Variants in CPD observed in about 807,000 individuals in gnomAD.
CPD encodes carboxypeptidase D.
A neutral mutation model predicts 138.3 loss-of-function variants in CPD; 69 were observed. The observed-to-expected ratio is 0.50, with a 90% confidence interval of 0.41 to 0.61. The LOEUF is 0.61. CPD is among the 20% of genes least tolerant of loss of function. The probability of loss-of-function intolerance (pLI) is 0.00; values close to 1 mark genes in which losing one functional copy is unlikely to be tolerated. For missense variants in CPD, 1,432 were observed against 1,733.3 expected (o/e 0.83, Z 3.09); for synonymous variants, 651 against 642.1 (o/e 1.01, Z -0.21).
chr17:30,426,205 A>C (rs1289449481), intron 6 of CPD, among the ~76,000 whole-genome samples: 1 of 151,888 alleles, frequency 6.6e-6, no homozygotes. Flanking sequence ...GTCTCAAAAA[A>C]AAAAAAAAAA....
intron 2 of CPD, among the ~76,000 whole-genome samples, chr17:30,398,867 T>A (rs757950991): frequency 6.7e-5 from 10 of 150,286 alleles, no homozygotes; most frequent in Non-Finnish European, 1.3e-4. Flanking sequence ...TTTAAATAAT[T>A]AAAAAAAAAT....
At chr17:30,428,727 A>G (rs968604277) in intron 7 of CPD, among the ~76,000 whole-genome samples, 1 of 152,150 alleles carries the variant, frequency 6.6e-6, no homozygotes, top group Admixed American at 6.5e-5. Flanking sequence ...GTAAGAGGTG[A>G]TAGGGGAGTG....
intron 8 of CPD, among the ~76,000 whole-genome samples, chr17:30,434,035 T>C (rs571563317): frequency 6.6e-6 from 1 of 152,306 alleles, no homozygotes; most frequent in South Asian, 2.1e-4. Flanking sequence ...TCTAAAAATA[T>C]TGTCTTCTGC....
chr17:30,393,686 G>C (rs1911417841), intron 2 of CPD, among the ~76,000 whole-genome samples: 1 of 152,158 alleles, frequency 6.6e-6, no homozygotes, highest in African/African-American at 2.4e-5. Context: ...ACAGAATACT[G>C]TCCTTATATC....
chr17:30,460,525 A>G (rs867434813), intron 17 of CPD, among the ~76,000 whole-genome samples: 1 of 152,218 alleles, frequency 6.6e-6, no homozygotes, highest in Non-Finnish European at 1.5e-5. Context: ...TAGATATTCT[A>G]TAGAGGTAGA....
chr17:30,447,319 T>C (rs569979615), intron 12 of CPD, among the ~76,000 whole-genome samples: 5 of 152,336 alleles, frequency 3.3e-5, no homozygotes, highest in East Asian at 1.9e-4. Flanking sequence ...GTCTAACATG[T>C]AAGTCTTTAA....
At chr17:30,399,267 C>T (rs1020384842) in intron 2 of CPD, among the ~76,000 whole-genome samples, 1 of 152,002 alleles carries the variant, frequency 6.6e-6, no homozygotes, top group Non-Finnish European at 1.5e-5. Flanking sequence ...TCCATTTGTA[C>T]TTGAAAAGCA....
At chr17:30,391,122 G>T (rs1911345004) in intron 2 of CPD, among the ~76,000 whole-genome samples, 1 of 138,588 alleles carries the variant, frequency 7.2e-6, no homozygotes, top group South Asian at 2.3e-4. Flanking sequence ...GAGCTACCGT[G>T]CCTGGCCGCC....
intron 7 of CPD, among the ~76,000 whole-genome samples, chr17:30,429,339 G>A (rs1053067490): frequency 2.6e-5 from 4 of 152,156 alleles, no homozygotes; most frequent in Non-Finnish European, 5.9e-5. Context: ...GTGAAAATAA[G>A]TCACAGATTT....
Position 30,379,484 on chromosome 17 carries a change from C to G in CPD, c.504C>G (p.Val168=), listed in dbSNP as rs1433447698. 2.5e-6 allele frequency: 4 copies of G among 1,573,942 alleles called. No individual in the cohort carries two copies. In the South Asian group the frequency reaches 3.4e-5, roughly 13 times the overall value. The change falls in exon 1 of 21, where the codon GTC becomes GTG. Residue 168 remains valine (V), a synonymous_variant. Transcript: ENST00000225719. This position sits in a 1 kb window ranked among gnomAD's most constrained non-coding sequence, Gnocchi z 7.0. ...AGYRRGDPRL[V]RLLNTTDVYL... ...ACCGCCGCGGGGACCCGCGCCTGGT[C>G]CGCCTGCTCAACACCACCGACGTGT...
At chr17:30,452,087 C>T (rs1597735285) in intron 14 of CPD, among the ~76,000 whole-genome samples, 1 of 152,168 alleles carries the variant, frequency 6.6e-6, no homozygotes, top group Non-Finnish European at 1.5e-5. Context: ...TTTGTTTCTT[C>T]ACTAGTTGTG....
intron 2 of CPD, among the ~76,000 whole-genome samples, chr17:30,414,157 GGA>G (rs1912042756): frequency 6.6e-6 from 1 of 152,202 alleles, no homozygotes; most frequent in South Asian, 2.1e-4. Context: ...TGAAATACGG[GGA>G]GTCTCTGAAC....
chr17:30,394,360 G>C (rs1408475399), intron 2 of CPD, among the ~76,000 whole-genome samples: 1 of 151,990 alleles, frequency 6.6e-6, no homozygotes, highest in Non-Finnish European at 1.5e-5. Flanking sequence ...TCCTCTGTCT[G>C]AAGTGCTTTT....
chr17:30,427,226 A>G (rs1462207165), intron 6 of CPD, among the ~76,000 whole-genome samples, 165 bp from the exon 7 acceptor site: 1 of 151,676 alleles, frequency 6.6e-6, no homozygotes, highest in Non-Finnish European at 1.5e-5. Flanking sequence ...GATTTCTTTT[A>G]CTGTTATAAT....
At position 30,385,136 on chromosome 17, in the gene CPD, C is replaced by G. The variant is rs1225945569; in HGVS notation, c.894C>G (p.Asn298Lys). Residue 298 changes from asparagine to lysine, a missense_variant, in exon 2 of 21, where the codon AAC becomes AAG. Physicochemically the swap from Asn to Lys is moderately conservative, Grantham distance 94 (BLOSUM62 0). Around this residue, in one of 6 missense-constraint regions of CPD, gnomAD observed 484 missense variants for 477.2 expected, o/e 1.01. Coordinates refer to ENST00000225719, the MANE Select transcript of CPD (RefSeq NM_001304.5). ...FKYLAKAYASNHPIMKTGEPH... is the reference protein window; with the variant it reads ...FKYLAKAYASKHPIMKTGEPH... Reference sequence around the variant, plus strand: ...ACTTGGCAAAAGCTTATGCTTCAAACCACCCCATAATGAAAACTGGTGAGC... The same window carrying G: ...ACTTGGCAAAAGCTTATGCTTCAAAGCACCCCATAATGAAAACTGGTGAGC... 2 of 1,613,880 alleles carry G rather than the reference C, an allele frequency of 1.2e-6. No homozygotes were observed. The highest frequency in any genetic ancestry group is 1.7e-6 in the Non-Finnish European group (2 of 1,179,972).
At position 30,379,063 on chromosome 17, in the gene CPD, C is replaced by T; in HGVS notation, c.83C>T (p.Ser28Leu). The T allele has an allele frequency of 1.3e-6, 2 of 1,559,608 alleles. No homozygotes were observed. Among genetic ancestry groups the T allele is most frequent in the South Asian group, 1.2e-5 (1 of 85,990 alleles). Residue 28 changes from serine to leucine, a missense_variant, in exon 1 of 21, where the codon TCG (serine) becomes TTG (leucine). Physicochemically the swap from Ser to Leu is moderately radical, Grantham distance 145 (BLOSUM62 -2). Coordinates refer to ENST00000225719, the MANE Select transcript of CPD (RefSeq NM_001304.5). The surrounding 1 kb of genome is among the most constrained non-coding windows in gnomAD (Gnocchi z 7.0). ...ATGTGCCTGCTGCTGCTGGGGAGCT[C>T]GGCCCGGGCGGCTCACATCAAGAAG... ...LLMCLLLLGSSARAAHIKKAE... is the reference protein window; with the variant it reads ...LLMCLLLLGSLARAAHIKKAE...
chr17:30,407,763 G>A (rs1346367682), intron 2 of CPD, among the ~76,000 whole-genome samples: 2 of 152,066 alleles, frequency 1.3e-5, no homozygotes, highest in African/African-American at 4.8e-5. Context: ...CCATTCTGTA[G>A]GTTGCCTGTT....
chr17:30,461,939 CATT>C lies in CPD; in HGVS notation c.3694_3696del (p.Ile1232del). 6.2e-7 allele frequency: 1 copy of C among 1,613,556 alleles called. No homozygotes were observed. Among genetic ancestry groups the C allele is most frequent in the Non-Finnish European group, 8.5e-7 (1 of 1,179,746 alleles). On this transcript the variant is annotated inframe_deletion, in exon 19 of 21. Coordinates refer to ENST00000225719, the MANE Select transcript of CPD (RefSeq NM_001304.5). ...CTGGAAAGCCAATCTCTAAAGCAGT[CATT>C]GTACTTAATGAAGGAATAAAGGTAC...
At chr17:30,443,523 T>C (rs1274721934) in intron 10 of CPD, among the ~76,000 whole-genome samples, 1 of 152,210 alleles carries the variant, frequency 6.6e-6, no homozygotes, top group Non-Finnish European at 1.5e-5. Context: ...GCCAGGTCTG[T>C]TTTCTTGTAG....
Sources: gnomAD v4.1 joint callset for allele counts (sites outside exome capture counted in the v4.1 genomes callset) on GRCh38, gnomAD v4.1.1 for gene constraint, gnomAD v4.1.1 regional missense constraint, Gnocchi (gnomAD v3.1) non-coding constraint, MANE v1.5 for transcripts, NCBI Gene and HGNC (gene_info 2026-07-23, HGNC 2026-07-21) for gene names.